The following LYST variants were observed in gnomAD, a reference collection of about 807,000 sequenced individuals.
LYST encodes lysosomal trafficking regulator.
Under a neutral mutation model 413.6 loss-of-function variants are expected in LYST, and 192 were observed. That is an observed-to-expected ratio of 0.46 (90% CI 0.41 to 0.52). LYST has a LOEUF of 0.52. LYST is among the 20% of genes least tolerant of loss of function. LYST has a pLI of 0.00. For synonymous variants in LYST, 1,525 were observed against 1,567.3 expected, an observed-to-expected ratio of 0.97 and a Z score of 0.64; for missense variants, 3,815 against 4,499.9, an observed-to-expected ratio of 0.85 and a Z score of 4.35.
At chr1:235,774,548 G>T (rs1442285699) in intron 18 of LYST, among the ~76,000 whole-genome samples, 1 of 152,132 alleles carries the variant, frequency 6.6e-6, no homozygotes, top group Non-Finnish European at 1.5e-5. Flanking sequence ...TAATGGAATG[G>T]TATGCCTCTA....
intron 3 of LYST, among the ~76,000 whole-genome samples, chr1:235,814,835 C>T (rs56406647): frequency 0.054 from 8,250 of 152,184 alleles, 764 homozygotes; most frequent in African/African-American, 0.19. Flanking sequence ...AAACCCTTCA[C>T]GGCAATGATT....
At chr1:235,853,540 A>G (rs1303593925) in intron 1 of LYST, among the ~76,000 whole-genome samples, 3 of 152,014 alleles carry the variant, frequency 2.0e-5, no homozygotes, top group African/African-American at 7.2e-5. Flanking sequence ...GTTCTGGGGG[A>G]AGAATGGAAA....
chr1:235,683,414 A>T (rs1416617817), intron 48 of LYST, among the ~76,000 whole-genome samples: 2 of 152,250 alleles, frequency 1.3e-5, no homozygotes, highest in African/African-American at 4.8e-5. Flanking sequence ...GAATAACCCG[A>T]CAGCAACTAT....
At chr1:235,737,918 T>A in intron 31 of LYST, 13 of 1,164,658 alleles carry the variant, frequency 1.1e-5, no homozygotes, top group Admixed American at 4.4e-5. Context: ...TGCCGACGAG[T>A]CTGGATCTCA....
chr1:235,747,193 G>T, intron 28 of LYST: 1 of 448,504 alleles, frequency 2.2e-6, no homozygotes. Flanking sequence ...TACAACACAG[G>T]TAGTGCATCC....
intron 13 of LYST, among the ~76,000 whole-genome samples, chr1:235,788,031 G>A (rs1392873008): frequency 1.3e-5 from 2 of 152,286 alleles, no homozygotes; most frequent in Admixed American, 6.5e-5. Flanking sequence ...GAAAACTTAT[G>A]TCTGTTAATA....
At chr1:235,844,528 TTAGAAGA>T (rs1366982954) in intron 1 of LYST, among the ~76,000 whole-genome samples, 4 of 152,144 alleles carry the variant, frequency 2.6e-5, no homozygotes, top group Non-Finnish European at 5.9e-5. Context: ...ATAAGCAAGT[TTAGAAGA>T]TACATAGCCT....
chr1:235,740,282 T>C (rs1665243633), intron 31 of LYST, among the ~76,000 whole-genome samples: 1 of 152,198 alleles, frequency 6.6e-6, no homozygotes, highest in African/African-American at 2.4e-5. Flanking sequence ...ATAACTTACA[T>C]ATAATAAAGC....
chr1:235,697,768 T>C (rs566353899), intron 45 of LYST, among the ~76,000 whole-genome samples: 4 of 152,258 alleles, frequency 2.6e-5, no homozygotes, highest in African/African-American at 9.6e-5. Context: ...TCATCTCAAA[T>C]AGATACGTGA....
rs966227277 is a variant in LYST at position 235,759,275 on chromosome 1, C to T, written c.6578G>A (p.Gly2193Glu). 6.2e-7 allele frequency: 1 copy of T among 1,614,066 alleles called. No individual in the cohort carries two copies. The highest frequency in any genetic ancestry group is 1.3e-5 in the African/African-American group (1 of 74,936). The change falls in exon 23 of 53, where the codon GGA becomes GAA. Residue 2193 changes from glycine to glutamate, a missense_variant. Gly to Glu is a moderately conservative substitution (Grantham distance 98, BLOSUM62 -2). Transcript: ENST00000389793. ...TTTGACCACTGGAAATCCCAGCACTCCCTTTGGGACATCACTGACAGAGAC... is the reference window on the plus strand; with the variant it reads ...TTTGACCACTGGAAATCCCAGCACTTCCTTTGGGACATCACTGACAGAGAC... ...AQVSVSDVPKGVLGFPVVKAD... is the reference protein window; with the variant it reads ...AQVSVSDVPKEVLGFPVVKAD...
rs1248521567 is a variant in LYST, at chr1:235,686,026, C to T, written c.10800+923G>A. ...GAATGATGATTACTGAGTTATCAAC[C>T]TAAACTTGACACATATCCTCAACTG... On this transcript the variant is annotated intron_variant, in intron 48 of 52. Coordinates refer to ENST00000389793, the MANE Select transcript of LYST (RefSeq NM_000081.4). The surrounding 1 kb of genome is among the most constrained non-coding windows in gnomAD (Gnocchi z 4.0). 6.6e-6 allele frequency among the ~76,000 whole-genome samples: 1 copy of T among 152,050 alleles called. No homozygotes were observed. The highest frequency in any genetic ancestry group is 2.4e-5 in the African/African-American group (1 of 41,406).
intron 20 of LYST, among the ~76,000 whole-genome samples, chr1:235,769,708 A>T (rs929649954): frequency 2.0e-5 from 3 of 152,184 alleles, no homozygotes; most frequent in Admixed American, 6.5e-5. Flanking sequence ...TGATACAATT[A>T]GTGTCACTTT....
chr1:235,858,161 C>A (rs191388814), intron 1 of LYST, among the ~76,000 whole-genome samples: 1 of 152,238 alleles, frequency 6.6e-6, no homozygotes, highest in East Asian at 1.9e-4. Context: ...TTGCAGAAGG[C>A]TAGCATGGTT....
chr1:235,850,391 GACTTAA>G (rs1345122126), intron 1 of LYST, among the ~76,000 whole-genome samples: 3 of 152,094 alleles, frequency 2.0e-5, no homozygotes, highest in Non-Finnish European at 2.9e-5. Context: ...ATGTACTAAG[GACTTAA>G]ACTTAAGACC....
At chr1:235,768,618 GTACC>G (rs762352507) in intron 20 of LYST, among the ~76,000 whole-genome samples, 2 of 151,954 alleles carry the variant, frequency 1.3e-5, no homozygotes, top group African/African-American at 4.8e-5. Flanking sequence ...AAAAAAATTT[GTACC>G]TAGATTTTTT....
At chr1:235,711,055 C>A (rs1662368357) in intron 43 of LYST, among the ~76,000 whole-genome samples, 1 of 152,178 alleles carries the variant, frequency 6.6e-6, no homozygotes, top group Non-Finnish European at 1.5e-5. Flanking sequence ...TGTTTCTGAA[C>A]TTCTGACCAA....
chr1:235,715,484 T>A, intron 41 of LYST, 127 bp from the exon 42 acceptor site: 1 of 861,010 alleles, frequency 1.2e-6, no homozygotes, highest in Non-Finnish European at 1.9e-6. Context: ...TGGCTGGCCC[T>A]CCCACTCTTA....
intron 10 of LYST, among the ~76,000 whole-genome samples, chr1:235,798,174 CTG>C (rs1197655363): frequency 6.6e-6 from 1 of 152,076 alleles, no homozygotes; most frequent in African/African-American, 2.4e-5. Flanking sequence ...GTCTGAGAAA[CTG>C]TTACAGTCAA....
At position 235,759,535 on chromosome 1, in the gene LYST, T is replaced by C; in HGVS notation, c.6318A>G (p.Leu2106=). 2 of 1,613,776 alleles carry C rather than the reference T, an allele frequency of 1.2e-6. No homozygotes were observed. Among genetic ancestry groups the C allele is most frequent in the Non-Finnish European group, 1.7e-6 (2 of 1,179,698 alleles). The part of the protein sequence containing the change: ...MAAHMLRSRS[L]PAFPTSSLLT... Reference sequence around the variant, plus strand: ...GTAGTGAAGAAGTAGGGAATGCTGGTAGGCTTCTAGAACGCAGCATATGGG... The same window carrying C: ...GTAGTGAAGAAGTAGGGAATGCTGGCAGGCTTCTAGAACGCAGCATATGGG... Residue 2106 remains leucine (L), a synonymous_variant, in exon 23 of 53, where the codon CTA becomes CTG. Transcript: ENST00000389793.
Sources: gnomAD v4.1 joint callset for allele counts (sites outside exome capture counted in the v4.1 genomes callset) on GRCh38, gnomAD v4.1.1 for gene constraint, Gnocchi (gnomAD v3.1) non-coding constraint, MANE v1.5 for transcripts, NCBI Gene and HGNC (gene_info 2026-07-23, HGNC 2026-07-21) for gene names.